Variants in HYAL4 observed in about 807,000 individuals in gnomAD.
The protein encoded by HYAL4 is hyaluronidase 4, also known as hyaluronidase-4.
Under a neutral mutation model 35.2 loss-of-function variants are expected in HYAL4, and 37 were observed. The observed-to-expected ratio is 1.05, with a 90% CI of 0.81 to 1.38. HYAL4 has a LOEUF of 1.38. HYAL4 is among the 40% of genes most tolerant of loss of function. HYAL4 has a pLI of 0.00. For missense variants in HYAL4, 572 were observed against 572.4 expected (o/e 1.00, Z 0.01); for synonymous variants, 198 against 203.2 (o/e 0.97, Z 0.22).
the HYAL4 span, among the ~76,000 whole-genome samples, chr7:123,787,142 A>G: frequency 6.6e-6 from 1 of 151,824 alleles, no homozygotes; most frequent in Middle Eastern, 3.4e-3. Flanking sequence ...AAGAAAAAAA[A>G]AGCTGCATTA....
At chr7:123,774,185 A>G in the HYAL4 span, among the ~76,000 whole-genome samples, 10 of 152,062 alleles carry the variant, frequency 6.6e-5, no homozygotes, top group Non-Finnish European at 1.5e-5. Flanking sequence ...ATAGGTATAT[A>G]TGACCATGCC....
chr7:123,838,368 C>T (rs936374215), intron 1 of HYAL4, among the ~76,000 whole-genome samples: 1 of 149,180 alleles, frequency 6.7e-6, no homozygotes, highest in Non-Finnish European at 1.5e-5. Flanking sequence ...CAATGAAAAA[C>T]TACTATTACA....
At chr7:123,849,162 G>A (rs1011985849) in intron 2 of HYAL4, among the ~76,000 whole-genome samples, 4 of 152,042 alleles carry the variant, frequency 2.6e-5, no homozygotes, top group Non-Finnish European at 5.9e-5. Context: ...TAGTGACTAT[G>A]TATGTGACTG....
chr7:123,767,177 G>T, the HYAL4 span, among the ~76,000 whole-genome samples: 1 of 152,160 alleles, frequency 6.6e-6, no homozygotes, highest in South Asian at 2.1e-4. Context: ...GGCTTATTTT[G>T]TCCTCATATA....
At chr7:123,790,185 A>G in the HYAL4 span, among the ~76,000 whole-genome samples, 1 of 152,200 alleles carries the variant, frequency 6.6e-6, no homozygotes, top group Non-Finnish European at 1.5e-5. Flanking sequence ...GCTGTCATGA[A>G]TCATGAAGAC....
chr7:123,809,255 A>C, the HYAL4 span, among the ~76,000 whole-genome samples: 1 of 152,308 alleles, frequency 6.6e-6, no homozygotes, highest in Admixed American at 6.5e-5. Flanking sequence ...TCCAATCAAG[A>C]GAATCCCCTA....
chr7:123,814,726 A>G, the HYAL4 span: 3 of 152,644 alleles, frequency 2.0e-5, no homozygotes, highest in Non-Finnish European at 4.4e-5. Flanking sequence ...TGGCTTTAGA[A>G]ATGAGACCAA....
rs1398722075 is a variant in HYAL4, at chr7:123,865,528, T to C, written c.-51-2695T>C. ...GGGTAATCTTATTCAGCTTTGTGCA[T>C]GGAGGAGTATATTCAATAAATGAAA... On this transcript the variant is annotated intron_variant, in intron 2 of 4. Transcript: ENST00000223026. Among the ~76,000 whole-genome samples, 3 of 152,236 alleles carry C rather than the reference T, an allele frequency of 2.0e-5. No homozygotes were observed. The East Asian group carries it at 5.8e-4, about 29-fold the overall frequency.
intron 2 of HYAL4, among the ~76,000 whole-genome samples, chr7:123,860,939 G>A (rs562597220): frequency 5.9e-5 from 9 of 152,248 alleles, no homozygotes; most frequent in Middle Eastern, 3.4e-3. Flanking sequence ...TGTAAAGCCA[G>A]GGGAACCCTA....
chr7:123,767,036 C>T, the HYAL4 span, among the ~76,000 whole-genome samples: 3 of 152,058 alleles, frequency 2.0e-5, no homozygotes, highest in Non-Finnish European at 2.9e-5. Context: ...TTATGATGTG[C>T]AGCTATGTAT....
chr7:123,810,423 T>G, the HYAL4 span, among the ~76,000 whole-genome samples: 1 of 152,234 alleles, frequency 6.6e-6, no homozygotes, highest in African/African-American at 2.4e-5. Context: ...GTTGGTCACA[T>G]AGATGTTGTT....
At chr7:123,849,827 A>C (rs1806261809) in intron 2 of HYAL4, among the ~76,000 whole-genome samples, 1 of 151,534 alleles carries the variant, frequency 6.6e-6, no homozygotes, top group African/African-American at 2.4e-5. Context: ...AGATCGCATC[A>C]CTGCATTCCA....
intron 2 of HYAL4, among the ~76,000 whole-genome samples, chr7:123,866,549 A>G (rs568099308): frequency 6.6e-6 from 1 of 152,300 alleles, no homozygotes; most frequent in African/African-American, 2.4e-5. Flanking sequence ...CAGCCAAAGG[A>G]CAAATGTCTA....
At chr7:123,860,561 A>G (rs1459079879) in intron 2 of HYAL4, among the ~76,000 whole-genome samples, 2 of 152,238 alleles carry the variant, frequency 1.3e-5, no homozygotes, top group Non-Finnish European at 2.9e-5. Context: ...ATCAATATGT[A>G]GAAGAAACCT....
At chr7:123,792,876 A>G in the HYAL4 span, among the ~76,000 whole-genome samples, 1 of 152,230 alleles carries the variant, frequency 6.6e-6, no homozygotes, top group Admixed American at 6.5e-5. Flanking sequence ...CCCTCCTACC[A>G]TGGTCCACTG....
At chr7:123,868,028 T>C (rs1013244481) in intron 2 of HYAL4, among the ~76,000 whole-genome samples, 195 bp from the exon 3 acceptor site, 13 of 152,184 alleles carry the variant, frequency 8.5e-5, no homozygotes, top group African/African-American at 3.1e-4. Context: ...TGAATGTTTG[T>C]TGAATTGCAT....
At chr7:123,779,136 T>A in the HYAL4 span, among the ~76,000 whole-genome samples, 1 of 152,204 alleles carries the variant, frequency 6.6e-6, no homozygotes, top group African/African-American at 2.4e-5. Flanking sequence ...TTATTGTTAT[T>A]TTAAAATGAA....
the HYAL4 span, among the ~76,000 whole-genome samples, chr7:123,770,310 C>T: frequency 2.0e-5 from 3 of 151,776 alleles, no homozygotes; most frequent in South Asian, 2.1e-4. Flanking sequence ...GGTGTGGTGA[C>T]GGGCGCCTGT....
At chr7:123,801,745 A>T in the HYAL4 span, among the ~76,000 whole-genome samples, 2 of 152,204 alleles carry the variant, frequency 1.3e-5, no homozygotes, top group African/African-American at 4.8e-5. Context: ...TCAGTATTAT[A>T]CATCTCTTGA....
Sources: gnomAD v4.1 joint callset for allele counts (sites outside exome capture counted in the v4.1 genomes callset) on GRCh38, gnomAD v4.1.1 for gene constraint, MANE v1.5 for transcripts, NCBI Gene and HGNC (gene_info 2026-07-23, HGNC 2026-07-21) for gene names.